The following ADCY8 variants were observed in gnomAD, a reference collection of about 807,000 sequenced individuals.
ADCY8 encodes adenylate cyclase 8, also known as adenylate cyclase type 8.
ADCY8 carries 51 observed loss-of-function variants against 119.7 expected under a neutral mutation model. The observed-to-expected ratio is 0.43, with a 90% CI of 0.34 to 0.54. The LOEUF (loss-of-function observed/expected upper bound fraction) is 0.54. Among genes scored for constraint, ADCY8 ranks in the 20% least tolerant of loss-of-function variants. The pLI is 0.03. For missense variants in ADCY8, 1,383 were observed against 1,598.8 expected, an observed-to-expected ratio of 0.87 and a Z score of 2.30; for synonymous variants, 665 against 651.0, an observed-to-expected ratio of 1.02 and a Z score of -0.33.
chr8:130,795,346 G>A (rs1217102642), intron 15 of ADCY8, among the ~76,000 whole-genome samples: 1 of 152,188 alleles, frequency 6.6e-6, no homozygotes, highest in Non-Finnish European at 1.5e-5. Context: ...AAATGAAAAT[G>A]TGGAACACCT....
chr8:130,817,143 A>G lies in ADCY8; in HGVS notation c.2755-2916T>C, dbSNP rs185770938. Among the ~76,000 whole-genome samples the G allele has an allele frequency of 8.0e-4, 122 of 152,328 alleles. 2 individuals carry two copies. In the East Asian group the frequency reaches 0.021, roughly 26 times the overall value. ...ACAATTGTATTAATATACTTAGACT[A>G]TTATAGTAAATCACAAGATAAAGTA... On this transcript the variant is annotated intron_variant, in intron 13 of 17. Transcript: ENST00000286355.
chr8:130,884,672 A>T lies in ADCY8; in HGVS notation c.2001T>A (p.Ile667=). 1.2e-6 allele frequency: 2 copies of T among 1,613,880 alleles called. No homozygotes were observed. Among genetic ancestry groups the T allele is most frequent in the Non-Finnish European group, 1.7e-6 (2 of 1,179,834 alleles). The change falls in exon 8 of 18, where the codon ATT becomes ATA. Residue 667 remains isoleucine, a synonymous_variant. Transcript: ENST00000286355. ...ALHVQSGPEE[I]NKRIEHTIDL... ...CGATGGTATGTTCTATTCTCTTGTT[A>T]ATTTCCTCAGGCCCAGACTGGACAT... is the stretch of plus-strand genomic sequence containing the variant.
At chr8:130,908,588 A>G (rs552426460) in intron 6 of ADCY8, among the ~76,000 whole-genome samples, 1 of 152,216 alleles carries the variant, frequency 6.6e-6, no homozygotes, top group Non-Finnish European at 1.5e-5. Context: ...CCATTATAGC[A>G]GATGAGAGAA....
At chr8:130,899,503 G>A (rs1459202123) in intron 7 of ADCY8, among the ~76,000 whole-genome samples, 2 of 152,110 alleles carry the variant, frequency 1.3e-5, no homozygotes, top group African/African-American at 4.8e-5. Flanking sequence ...CTACTTAAGA[G>A]GCTGAGTTGG....
At chr8:131,039,275 A>G in intron 1 of ADCY8, 99 bp downstream of exon 1, 1 of 1,503,386 alleles carries the variant, frequency 6.7e-7, no homozygotes. Context: ...GAAGGCGGAG[A>G]CTTAAAGAGA....
chr8:130,883,390 G>A (rs1818854417), intron 8 of ADCY8, among the ~76,000 whole-genome samples: 2 of 152,080 alleles, frequency 1.3e-5, no homozygotes, highest in African/African-American at 4.8e-5. Context: ...GTTGAGTGAG[G>A]CAAAATGTTT....
chr8:131,005,226 T>G (rs1823076546), intron 1 of ADCY8, among the ~76,000 whole-genome samples: 1 of 152,192 alleles, frequency 6.6e-6, no homozygotes, highest in South Asian at 2.1e-4. Context: ...TCTTCCTGGG[T>G]GGCTATAAAG....
intron 9 of ADCY8, among the ~76,000 whole-genome samples, chr8:130,863,735 A>T (rs76587251): frequency 0.068 from 10,338 of 152,222 alleles, 352 homozygotes; most frequent in Middle Eastern, 0.14. Flanking sequence ...AGTTACCTTA[A>T]AATAAAGCAT....
At chr8:130,878,817 T>C (rs1287884951) in intron 8 of ADCY8, among the ~76,000 whole-genome samples, 2 of 152,088 alleles carry the variant, frequency 1.3e-5, no homozygotes, top group Non-Finnish European at 2.9e-5. Context: ...AATATCAGCA[T>C]TAAAAGAAGG....
intron 15 of ADCY8, among the ~76,000 whole-genome samples, chr8:130,791,773 C>A (rs925965916): frequency 5.3e-5 from 8 of 152,176 alleles, no homozygotes; most frequent in African/African-American, 1.9e-4. Flanking sequence ...CTAGTGAGGG[C>A]CGAGCCCCAC....
intron 9 of ADCY8, among the ~76,000 whole-genome samples, chr8:130,865,620 T>C (rs1818088401): frequency 6.6e-6 from 1 of 152,194 alleles, no homozygotes; most frequent in Admixed American, 6.5e-5. Flanking sequence ...AACACTTCCC[T>C]GAACTTTTAG....
intron 3 of ADCY8, 35 bp from the exon 4 acceptor site, chr8:130,943,497 G>GGGGGGGGGGCCCCCCCCCCC: frequency 2.0e-6 from 1 of 491,352 alleles, no homozygotes; most frequent in Non-Finnish European, 4.2e-6. Context: ...GTGGGGGGAG[G>GGGGGGGGGGCCCCCCCCCCC]AAGTATATTA....
chr8:131,012,612 T>C (rs1265066976), intron 1 of ADCY8, among the ~76,000 whole-genome samples: 2 of 152,182 alleles, frequency 1.3e-5, no homozygotes, highest in Non-Finnish European at 2.9e-5. Flanking sequence ...GGATTGCTTC[T>C]GGCAGACAGT....
chr8:130,790,864 C>T (rs571623651), intron 15 of ADCY8, among the ~76,000 whole-genome samples: 7 of 152,264 alleles, frequency 4.6e-5, no homozygotes, highest in African/African-American at 7.2e-5. Context: ...CTTCAAGTGA[C>T]GGTACTCAGA....
Position 130,964,954 on chromosome 8 carries a change from T to C in ADCY8, c.1111-12956A>G, listed in dbSNP as rs11990501. Among the ~76,000 whole-genome samples, 1,139 of 152,348 alleles carry C rather than the reference T, an allele frequency of 7.5e-3. 16 individuals carry two copies. Among genetic ancestry groups the C allele is most frequent in the African/African-American group, 0.026 (1,098 of 41,576 alleles). ...GCTGAGCATTTTTTCATAGGTTTGTTGGCCTCTCGTATGTCTTCTTTTGAG... is the reference window on the plus strand; with the variant it reads ...GCTGAGCATTTTTTCATAGGTTTGTCGGCCTCTCGTATGTCTTCTTTTGAG... On this transcript the variant is annotated intron_variant, in intron 2 of 17. Coordinates refer to ENST00000286355, the MANE Select transcript of ADCY8 (RefSeq NM_001115.3).
At chr8:130,878,575 C>T (rs1216710197) in intron 8 of ADCY8, among the ~76,000 whole-genome samples, 1 of 152,194 alleles carries the variant, frequency 6.6e-6, no homozygotes, top group Non-Finnish European at 1.5e-5. Context: ...AGATGGCCAA[C>T]AACCAAGAAT....
At chr8:130,913,540 C>T (rs1364821463) in intron 5 of ADCY8, among the ~76,000 whole-genome samples, 1 of 152,140 alleles carries the variant, frequency 6.6e-6, no homozygotes, top group Non-Finnish European at 1.5e-5. Context: ...TGATCAACCA[C>T]AGTCTTTAAA....
chr8:130,827,143 T>C (rs774406388), intron 12 of ADCY8, among the ~76,000 whole-genome samples: 2 of 152,192 alleles, frequency 1.3e-5, no homozygotes, highest in African/African-American at 4.8e-5. Context: ...TATGTTGATA[T>C]AGGAGTTAAG....
At chr8:130,930,549 C>G (rs2130608565) in intron 5 of ADCY8, among the ~76,000 whole-genome samples, 1 of 152,212 alleles carries the variant, frequency 6.6e-6, no homozygotes, top group South Asian at 2.1e-4. Flanking sequence ...CCGCGCCCAG[C>G]CTCTTGCTTC....
Sources: allele counts gnomAD v4.1 joint callset (sites outside exome capture counted in the v4.1 genomes callset), GRCh38; gene constraint gnomAD v4.1.1; transcripts MANE v1.5; gene names NCBI Gene and HGNC (gene_info 2026-07-23, HGNC 2026-07-21).